RAD17: variants seen among roughly 807,000 people sequenced by gnomAD.
RAD17 encodes RAD17 checkpoint clamp loader component, also known as cell cycle checkpoint protein RAD17.
Under a neutral mutation model 81.5 loss-of-function variants are expected in RAD17, and 31 were observed. The ratio of observed to expected loss-of-function variants is 0.38; its 90% CI spans 0.29 to 0.51. RAD17 has a LOEUF of 0.51. RAD17 is among the 20% of genes least tolerant of loss of function. The pLI is 0.88. For synonymous variants in RAD17, 261 were observed against 266.2 expected (o/e 0.98, Z 0.19); for missense variants, 681 against 781.2 (o/e 0.87, Z 1.53).
intron 6 of RAD17, among the ~76,000 whole-genome samples, chr5:69,376,153 G>T (rs1029707003): frequency 1.3e-5 from 2 of 152,206 alleles, no homozygotes; most frequent in East Asian, 1.9e-4. Context: ...TCAAAGAGAT[G>T]AAAGTCAAAA....
chr5:69,391,230 A>G (rs1299776324), intron 12 of RAD17, among the ~76,000 whole-genome samples: 3 of 58,964 alleles, frequency 5.1e-5, no homozygotes. Context: ...ACTCCATCTC[A>G]AAAAAAAAAA....
chr5:69,414,085 C>T lies in RAD17; in HGVS notation c.1806C>T (p.Ser602=), dbSNP rs374182122. 73 of 1,614,042 alleles carry T rather than the reference C, an allele frequency of 4.5e-5. No homozygotes were observed. The highest frequency in any genetic ancestry group is 1.8e-4 in the Admixed American group (11 of 59,992). Residue 602 remains serine, a synonymous_variant, in exon 19 of 19, where the codon AGC becomes AGT. Coordinates refer to ENST00000354868, the MANE Select transcript of RAD17 (RefSeq NM_133338.3). Reference sequence around the variant, plus strand: ...AACATGGAATGATAGACCCTGACAGCGGAGATGAAGCCCAGCTTAATGGAG... The same window carrying T: ...AACATGGAATGATAGACCCTGACAGTGGAGATGAAGCCCAGCTTAATGGAG... ...DREHGMIDPD[S]GDEAQLNGGH...
intron 17 of RAD17, among the ~76,000 whole-genome samples, chr5:69,409,160 T>G (rs1426937379): frequency 6.6e-6 from 1 of 152,164 alleles, no homozygotes; most frequent in East Asian, 1.9e-4. Flanking sequence ...AAGCCACTTA[T>G]TCTGGGTGGG....
rs1260676039 is a variant in RAD17, at chr5:69,414,377, CTGA to C, written c.*89_*91del. 4.3e-6 allele frequency: 6 copies of C among 1,387,404 alleles called. No homozygotes were observed. Among genetic ancestry groups the C allele is most frequent in the African/African-American group, 1.4e-5 (1 of 69,128 alleles). The allele number at this position is 1,387,404 out of a possible 1,614,324, so 85.9% of individuals were successfully genotyped here. A position where few individuals can be genotyped will look rare whatever the true frequency, so the allele number is the denominator to read the frequency against. Reference sequence around the variant, plus strand: ...ACTTCAGCAGAGTTAATATGCTTTTCTGATGAATTACACAACAGTTTGTTAATT... The same window carrying C: ...ACTTCAGCAGAGTTAATATGCTTTTCTGAATTACACAACAGTTTGTTAATT... On this transcript the variant is annotated 3_prime_UTR_variant, in exon 19 of 19. Coordinates refer to ENST00000354868, the MANE Select transcript of RAD17 (RefSeq NM_133338.3).
intron 8 of RAD17, among the ~76,000 whole-genome samples, chr5:69,385,264 ATC>A (rs1458029386): frequency 5.2e-5 from 6 of 114,988 alleles, no homozygotes; most frequent in Non-Finnish European, 7.6e-5. Context: ...CTGGCCTAAA[ATC>A]TTTTTTTTTT....
At chr5:69,376,766 T>TG (rs1360703722) in intron 6 of RAD17, among the ~76,000 whole-genome samples, 1 of 151,532 alleles carries the variant, frequency 6.6e-6, no homozygotes, top group African/African-American at 2.4e-5. Flanking sequence ...TTCTCTCTTT[T>TG]TTTTTTCTCG....
rs1388925517 is a variant in RAD17, at chr5:69,391,959, A to G, written c.1135A>G (p.Lys379Glu). 1.9e-6 allele frequency: 3 copies of G among 1,577,932 alleles called. No homozygotes were observed. Among genetic ancestry groups the G allele is most frequent in the Non-Finnish European group, 8.6e-7 (1 of 1,169,166 alleles). ...ENQEVQAIGG[K>E]DVSLFLFRAL... The stretch of plus-strand genomic sequence containing the variant: ...TCAAGAGGTCCAAGCTATTGGTGGC[A>G]AAGATGTTTCTCTGTTTCTCTTCAG... Residue 379 changes from lysine to glutamate, a missense_variant, in exon 13 of 19, where the codon AAA (lysine) becomes GAA (glutamate). Transcript: ENST00000354868.
At chr5:69,402,341 C>T (rs10064264) in intron 17 of RAD17, among the ~76,000 whole-genome samples, 51,942 of 151,440 alleles carry the variant, frequency 0.34, 10,416 homozygotes, top group Non-Finnish European at 0.46. Flanking sequence ...TGAGCCACCG[C>T]GCCCGGCCAC....
At chr5:69,394,915 A>G (rs1764791735) in intron 15 of RAD17, among the ~76,000 whole-genome samples, 1 of 151,952 alleles carries the variant, frequency 6.6e-6, no homozygotes, top group African/African-American at 2.4e-5. Context: ...TACCAAGAAA[A>G]TTGTTTGGGT....
intron 17 of RAD17, among the ~76,000 whole-genome samples, chr5:69,409,132 C>T (rs1365640325): frequency 6.6e-6 from 1 of 152,118 alleles, no homozygotes; most frequent in Non-Finnish European, 1.5e-5. Flanking sequence ...GACTGCCTCT[C>T]CTCTGGGCAA....
rs569991001 is a variant in RAD17, at chr5:69,375,114, C to T, written c.351+403C>T. 9.9e-5 allele frequency among the ~76,000 whole-genome samples: 15 copies of T among 152,272 alleles called. No individual in the cohort carries two copies. In the South Asian group the frequency reaches 2.7e-3, roughly 27 times the overall value. ...CTGGGCAACAGAGCAATACCAAAAA[C>T]CGTAAAAAGCAAAACAAAACAAAAA... is the stretch of plus-strand genomic sequence containing the variant. On this transcript the variant is annotated intron_variant, in intron 6 of 18. Coordinates refer to ENST00000354868, the MANE Select transcript of RAD17 (RefSeq NM_133338.3).
chr5:69,399,737 T>G (rs1765137141), intron 16 of RAD17, among the ~76,000 whole-genome samples: 1 of 152,194 alleles, frequency 6.6e-6, no homozygotes, highest in Admixed American at 6.5e-5. Context: ...TTCGTGTAAT[T>G]TATGATGTGT....
At chr5:69,408,506 CTTT>C (rs913594965) in intron 17 of RAD17, among the ~76,000 whole-genome samples, 4 of 88,450 alleles carry the variant, frequency 4.5e-5, no homozygotes, top group African/African-American at 1.8e-4. Flanking sequence ...ACCCTAATTA[CTTT>C]TTTTTTTTTT....
At chr5:69,373,184 T>C (rs540632214) in intron 4 of RAD17, among the ~76,000 whole-genome samples, 1 of 152,348 alleles carries the variant, frequency 6.6e-6, no homozygotes, top group South Asian at 2.1e-4. Flanking sequence ...TTGTTTATTT[T>C]GTTTTGCTTT....
In RAD17 at chr5:69,370,802, G is replaced by C. The variant is rs2293790; in HGVS notation, c.-416-233G>C. The C allele has an allele frequency of 6.5e-3, 1,140 of 175,960 alleles. 45 individuals are homozygous for C. The highest frequency in any genetic ancestry group is 0.059 in the Admixed American group (989 of 16,740). The allele number at this position is 175,960 out of a possible 1,614,324, so 10.9% of individuals were successfully genotyped here. On this transcript the variant is annotated intron_variant, in intron 1 of 18. Coordinates refer to ENST00000354868, the MANE Select transcript of RAD17 (RefSeq NM_133338.3). ...TTCTAGTGTGTCGAGGTGTTTATAG[G>C]CTATGTGTGCCTCCAAACTGTAAAG...
At chr5:69,406,327 G>A (rs1254297114) in intron 17 of RAD17, among the ~76,000 whole-genome samples, 1 of 152,132 alleles carries the variant, frequency 6.6e-6, no homozygotes, top group African/African-American at 2.4e-5. Context: ...TTATATAGGA[G>A]CTAAAAAAGT....
Position 69,396,548 on chromosome 5 carries a change from T to TAA in RAD17, c.1572+18_1572+19dup, listed in dbSNP as rs377737971. 0.25 allele frequency: 329,085 copies of TAA among 1,332,340 alleles called. 6,618 individuals carry two copies. Among genetic ancestry groups the TAA allele is most frequent in the Non-Finnish European group, 0.27 (268,650 of 1,009,266 alleles). The allele number at this position is 1,332,340 out of a possible 1,614,324, so 82.5% of individuals were successfully genotyped here. On this transcript the variant is annotated splice_region_variant and intron_variant, in intron 16 of 18. Coordinates refer to ENST00000354868, the MANE Select transcript of RAD17 (RefSeq NM_133338.3). ...CAGTGGTTTCTAATAAATAAAAAGG[T>TAA]AAAAAAAAAAAAAAAAATTCTGTAC...
In RAD17 at chr5:69,374,002, TAGAAC is replaced by T; in HGVS notation, c.186_190del (p.Glu62AspfsTer13). 1 of 1,612,456 alleles carries T rather than the reference TAGAAC, an allele frequency of 6.2e-7. No individual in the cohort carries two copies. On this transcript the variant is annotated frameshift_variant, in exon 5 of 19. Coordinates refer to ENST00000354868, the MANE Select transcript of RAD17 (RefSeq NM_133338.3). LOFTEE classifies it high-confidence loss of function. ...AGAAAAAGAGGAAATCTATCTTCCTTAGAACAGATTTATGGTTTAGAAAATTCAAA... is the reference window on the plus strand; with the variant it reads ...AGAAAAAGAGGAAATCTATCTTCCTTAGATTTATGGTTTAGAAAATTCAAA...
chr5:69,407,242 A>T (rs1420824816), intron 17 of RAD17, among the ~76,000 whole-genome samples: 1 of 152,258 alleles, frequency 6.6e-6, no homozygotes, highest in South Asian at 2.1e-4. Flanking sequence ...ACCTCAGGTG[A>T]TCCGCCTGCT....
Sources: gnomAD v4.1 joint callset for allele counts (sites outside exome capture counted in the v4.1 genomes callset) on GRCh38, gnomAD v4.1.1 for gene constraint, MANE v1.5 for transcripts, NCBI Gene and HGNC (gene_info 2026-07-23, HGNC 2026-07-21) for gene names.